Variants in MAP2K1 observed in about 807,000 individuals in gnomAD.
The protein encoded by MAP2K1 is mitogen-activated protein kinase kinase 1.
MAP2K1 carries 16 observed loss-of-function variants against 46.3 expected under a neutral mutation model. The observed-to-expected ratio is 0.35, with a 90% CI of 0.23 to 0.52. MAP2K1 has a LOEUF of 0.52. Among genes scored for constraint, MAP2K1 ranks in the 20% least tolerant of loss-of-function variants. The pLI is 0.94. For synonymous variants in MAP2K1, 183 were observed against 185.6 expected, an observed-to-expected ratio of 0.99 and a Z score of 0.11; for missense variants, 263 against 497.1, an observed-to-expected ratio of 0.53 and a Z score of 4.48.
At chr15:66,418,868 G>A (rs1008533769) in intron 1 of MAP2K1, among the ~76,000 whole-genome samples, 4 of 150,130 alleles carry the variant, frequency 2.7e-5, no homozygotes, top group Admixed American at 6.6e-5. Context: ...GGATGGTCTC[G>A]ATCTCCTGAC....
intron 1 of MAP2K1, among the ~76,000 whole-genome samples, chr15:66,396,091 A>G (rs113123709): frequency 0.019 from 2,762 of 145,238 alleles, 39 homozygotes; most frequent in South Asian, 0.061. Flanking sequence ...AGTGCAACCT[A>G]TGCCTCCCGG....
chr15:66,476,622 G>A (rs1892760338), intron 5 of MAP2K1, among the ~76,000 whole-genome samples: 1 of 152,210 alleles, frequency 6.6e-6, no homozygotes, highest in South Asian at 2.1e-4. Context: ...GTGGTGTGAA[G>A]TTGGAGAGGA....
intron 9 of MAP2K1, 43 bp downstream of exon 9, chr15:66,489,319 T>A: frequency 6.4e-7 from 1 of 1,564,806 alleles, no homozygotes; most frequent in East Asian, 2.2e-5. Flanking sequence ...ACTCTGGATT[T>A]GTCAGGCTCC....
At chr15:66,419,150 TTC>T (rs2093431554) in intron 1 of MAP2K1, among the ~76,000 whole-genome samples, 1 of 151,338 alleles carries the variant, frequency 6.6e-6, no homozygotes, top group Admixed American at 6.6e-5. Context: ...GTCTTATAAC[TTC>T]TGTTTTTTTT....
intron 1 of MAP2K1, among the ~76,000 whole-genome samples, chr15:66,423,306 T>C (rs892021364): frequency 6.6e-6 from 1 of 152,206 alleles, no homozygotes; most frequent in African/African-American, 2.4e-5. Flanking sequence ...TTAATCATAG[T>C]TATTTTAAGG....
intron 1 of MAP2K1, among the ~76,000 whole-genome samples, chr15:66,416,273 T>C (rs2093424328): frequency 6.6e-6 from 1 of 152,162 alleles, no homozygotes; most frequent in Admixed American, 6.5e-5. Context: ...TTGTTACACT[T>C]GTATAGTTGT....
At chr15:66,398,701 C>T (rs895752278) in intron 1 of MAP2K1, among the ~76,000 whole-genome samples, 4 of 151,290 alleles carry the variant, frequency 2.6e-5, no homozygotes, top group African/African-American at 9.7e-5. Flanking sequence ...AATTGTGTAC[C>T]GGATCAAAAA....
At chr15:66,400,112 A>C (rs2093377839) in intron 1 of MAP2K1, among the ~76,000 whole-genome samples, 1 of 152,138 alleles carries the variant, frequency 6.6e-6, no homozygotes, top group African/African-American at 2.4e-5. Flanking sequence ...GATTCGATAT[A>C]TCATTATTGG....
intron 1 of MAP2K1, among the ~76,000 whole-genome samples, chr15:66,416,605 A>T (rs188559241): frequency 6.6e-6 from 1 of 152,306 alleles, no homozygotes. Flanking sequence ...TCTCATCATC[A>T]GTTCTGCTGT....
chr15:66,470,091 C>CTTTTTTTTT (rs1567021186), intron 5 of MAP2K1, among the ~76,000 whole-genome samples: 6 of 55,708 alleles, frequency 1.1e-4, no homozygotes, highest in Admixed American at 2.2e-4. Context: ...ACTTTTTTTT[C>CTTTTTTTTT]TTGTTTTTTT....
chr15:66,452,187 A>G (rs1171665062), intron 5 of MAP2K1, among the ~76,000 whole-genome samples: 2 of 138,668 alleles, frequency 1.4e-5, no homozygotes, highest in African/African-American at 2.7e-5. Flanking sequence ...ACCCAATGCT[A>G]GATGACACGT....
intron 3 of MAP2K1, among the ~76,000 whole-genome samples, chr15:66,442,407 C>A (rs943198713): frequency 1.3e-5 from 2 of 152,180 alleles, no homozygotes; most frequent in African/African-American, 4.8e-5. Flanking sequence ...TTCTTCTCTC[C>A]CTTTTCTCCT....
chr15:66,425,802 A>G (rs2093456737), intron 1 of MAP2K1, among the ~76,000 whole-genome samples: 2 of 152,208 alleles, frequency 1.3e-5, no homozygotes, highest in South Asian at 4.1e-4. Context: ...TTCACTTACA[A>G]TTCCGGAAGG....
chr15:66,415,078 CCT>C (rs1366499060), intron 1 of MAP2K1: 2 of 510,912 alleles, frequency 3.9e-6, no homozygotes, highest in Non-Finnish European at 7.8e-6. Flanking sequence ...CCAGTAATAA[CCT>C]CTTCAAAATG....
At chr15:66,409,968 A>G (rs1046120176) in intron 1 of MAP2K1, among the ~76,000 whole-genome samples, 2 of 152,216 alleles carry the variant, frequency 1.3e-5, no homozygotes, top group African/African-American at 4.8e-5. Flanking sequence ...TCCCCAGAGT[A>G]TAACCACTTG....
chr15:66,443,587 C>CA (rs72531931), intron 4 of MAP2K1, among the ~76,000 whole-genome samples: 9 of 152,264 alleles, frequency 5.9e-5, no homozygotes, highest in African/African-American at 9.6e-5. Context: ...TCTTGAAAAA[C>CA]GGGCCAGGCA....
intron 1 of MAP2K1, among the ~76,000 whole-genome samples, chr15:66,427,498 G>A (rs996644282): frequency 6.6e-6 from 1 of 151,800 alleles, no homozygotes; most frequent in African/African-American, 2.4e-5. Flanking sequence ...GGCGGAGCTT[G>A]CAGTGAGCCA....
At chr15:66,387,462 G>C in intron 1 of MAP2K1, 35 bp downstream of exon 1, 2 of 1,543,768 alleles carry the variant, frequency 1.3e-6, no homozygotes, top group East Asian at 4.9e-5. Context: ...CTCGGGGCCC[G>C]GCTGGGGAGG....
At chr15:66,430,457 G>A (rs1421005052) in intron 1 of MAP2K1, among the ~76,000 whole-genome samples, 9 of 152,114 alleles carry the variant, frequency 5.9e-5, no homozygotes, top group African/African-American at 2.2e-4. Flanking sequence ...GCCTATTTCT[G>A]TTTGCTGTGT....
Sources: allele counts gnomAD v4.1 joint callset (sites outside exome capture counted in the v4.1 genomes callset), GRCh38; gene constraint gnomAD v4.1.1; transcripts MANE v1.5; gene names NCBI Gene and HGNC (gene_info 2026-07-23, HGNC 2026-07-21).